BTG4: variants seen among roughly 807,000 people sequenced by gnomAD.
The protein encoded by BTG4 is BTG anti-proliferation factor 4.
A neutral mutation model predicts 19.3 loss-of-function variants in BTG4; 10 were observed. The observed-to-expected ratio is 0.52, with a 90% CI of 0.32 to 0.88. The LOEUF (loss-of-function observed/expected upper bound fraction) is 0.88. Ranked by LOEUF, BTG4 falls within the 40% of genes least tolerant of loss-of-function variation. The pLI is 0.04. For missense variants in BTG4, 238 were observed against 281.9 expected (o/e 0.84, Z 1.11); for synonymous variants, 91 against 95.7 (o/e 0.95, Z 0.29).
At chr11:111,422,345 C>G in the BTG4 span, among the ~76,000 whole-genome samples, 3 of 152,190 alleles carry the variant, frequency 2.0e-5, no homozygotes, top group Admixed American at 2.0e-4. Context: ...CACACTTCTG[C>G]TGGACTTCCT....
intron 5 of BTG4, chr11:111,467,795 T>C (rs1863809971): frequency 1.6e-6 from 1 of 625,238 alleles, no homozygotes; most frequent in African/African-American, 1.9e-5. Context: ...TAAGGCATAA[T>C]AAATGTCACA....
the BTG4 span, among the ~76,000 whole-genome samples, chr11:111,387,348 G>A: frequency 6.6e-6 from 1 of 152,188 alleles, no homozygotes; most frequent in Admixed American, 6.5e-5. Flanking sequence ...TCTTATCTAG[G>A]AAGAGGCCTA....
At chr11:111,499,026 G>GAA (rs536545791) in intron 1 of BTG4, among the ~76,000 whole-genome samples, 15 of 144,978 alleles carry the variant, frequency 1.0e-4, no homozygotes, top group African/African-American at 3.0e-4. Flanking sequence ...GTTTTCAAAG[G>GAA]AAAAAAAAAA....
At chr11:111,438,820 C>T in the BTG4 span, among the ~76,000 whole-genome samples, 3 of 152,138 alleles carry the variant, frequency 2.0e-5, no homozygotes, top group Non-Finnish European at 2.9e-5. Context: ...TCAGGGGGTC[C>T]CTGGATATGT....
At chr11:111,464,146 G>A (rs540761501), downstream of BTG4, among the ~76,000 whole-genome samples, 16 of 152,186 alleles carry the variant, frequency 1.1e-4, no homozygotes, top group Non-Finnish European at 2.1e-4. Flanking sequence ...ACAGGTGTGC[G>A]CCACCATGCC....
At chr11:111,512,629 G>A (rs1375291809), upstream of BTG4, among the ~76,000 whole-genome samples, 1 of 152,164 alleles carries the variant, frequency 6.6e-6, no homozygotes, top group African/African-American at 2.4e-5. Context: ...GAACCTGAGC[G>A]GGAGGGCCCT....
chr11:111,478,077 C>T (rs1864502832), intron 5 of BTG4, among the ~76,000 whole-genome samples: 1 of 152,088 alleles, frequency 6.6e-6, no homozygotes, highest in Non-Finnish European at 1.5e-5. Context: ...ATCCCCACAC[C>T]TGGCAGTAAT....
chr11:111,502,925 C>T (rs1336171981), intron 1 of BTG4, among the ~76,000 whole-genome samples: 2 of 152,212 alleles, frequency 1.3e-5, no homozygotes, highest in Non-Finnish European at 2.9e-5. Context: ...AGGTTTCCTT[C>T]CGTTACTTGT....
At chr11:111,447,635 A>G in the BTG4 span, among the ~76,000 whole-genome samples, 2 of 152,182 alleles carry the variant, frequency 1.3e-5, no homozygotes, top group African/African-American at 4.8e-5. Flanking sequence ...ATAGAGAAGA[A>G]CCGTGGAGAG....
At chr11:111,404,869 A>G in the BTG4 span, 4 of 347,094 alleles carry the variant, frequency 1.2e-5, no homozygotes, top group African/African-American at 6.4e-5. Flanking sequence ...AATTTCAAGC[A>G]TCACATTTTC....
intron 5 of BTG4, among the ~76,000 whole-genome samples, chr11:111,478,338 T>C (rs1864519816): frequency 1.3e-5 from 2 of 152,166 alleles, no homozygotes; most frequent in South Asian, 4.2e-4. Flanking sequence ...CACTAGGAAG[T>C]AGCAAAGCAG....
downstream of BTG4, among the ~76,000 whole-genome samples, chr11:111,493,962 A>G (rs1865570843): frequency 6.6e-6 from 1 of 152,088 alleles, no homozygotes; most frequent in Admixed American, 6.5e-5. Flanking sequence ...TTTTGTATCC[A>G]CTCAGAGCCA....
chr11:111,467,077 C>T (rs1000342331), downstream of BTG4, among the ~76,000 whole-genome samples: 12 of 152,146 alleles, frequency 7.9e-5, no homozygotes, highest in Admixed American at 5.9e-4. Context: ...TCTAATCTCT[C>T]GAATGATATT....
chr11:111,454,147 T>G, the BTG4 span: 5 of 383,144 alleles, frequency 1.3e-5, no homozygotes, highest in South Asian at 8.1e-5. Flanking sequence ...CTGTTGAGGC[T>G]CTATAGGAAG....
intron 4 of BTG4, among the ~76,000 whole-genome samples, chr11:111,495,515 T>C (rs753343816): frequency 3.3e-5 from 5 of 152,216 alleles, no homozygotes; most frequent in Non-Finnish European, 7.3e-5. Flanking sequence ...AAAAAGTTAA[T>C]TAATTCAACT....
At chr11:111,509,254 C>G (rs117924934) in intron 1 of BTG4, among the ~76,000 whole-genome samples, 2,453 of 152,254 alleles carry the variant, frequency 0.016, 31 homozygotes, top group Admixed American at 0.032. Flanking sequence ...TTCAAAGGCA[C>G]TGAATTGACT....
chr11:111,479,236 G>A (rs1025247210), intron 5 of BTG4, among the ~76,000 whole-genome samples: 1 of 152,104 alleles, frequency 6.6e-6, no homozygotes, highest in African/African-American at 2.4e-5. Context: ...AATGAAAAGA[G>A]CTGTCAACCC....
the BTG4 span, chr11:111,454,820 T>TGGGTTGGGGGTTGG: frequency 3.5e-6 from 1 of 284,102 alleles, no homozygotes; most frequent in Non-Finnish European, 6.7e-6. Flanking sequence ...TCCAAGTGTC[T>TGGGTTGGGGGTTGG]GGGTTGGGGG....
chr11:111,471,464 A>C (rs1364039989), intron 5 of BTG4, among the ~76,000 whole-genome samples: 2 of 152,102 alleles, frequency 1.3e-5, no homozygotes, highest in Non-Finnish European at 2.9e-5. Flanking sequence ...GACATATCTG[A>C]CCATATTCTC....
Sources: gnomAD v4.1 joint callset for allele counts (sites outside exome capture counted in the v4.1 genomes callset) on GRCh38, gnomAD v4.1.1 for gene constraint, MANE v1.5 for transcripts, NCBI Gene and HGNC (gene_info 2026-07-23, HGNC 2026-07-21) for gene names.